AKNAD1: variants seen among roughly 807,000 people sequenced by gnomAD.
AKNAD1 encodes the protein protein AKNAD1.
AKNAD1 carries 67 observed loss-of-function variants against 90.8 expected under a neutral mutation model. The observed-to-expected ratio is 0.74, with a 90% confidence interval of 0.61 to 0.90. AKNAD1 has a LOEUF of 0.90. Among genes scored for constraint, AKNAD1 ranks in the 40% least tolerant of loss-of-function variants. The pLI is 0.00. For missense variants in AKNAD1, 957 were observed against 975.4 expected (o/e 0.98, Z 0.25); for synonymous variants, 327 against 341.4 (o/e 0.96, Z 0.46).
chr1:108,827,219 G>A lies in AKNAD1; in HGVS notation c.1922C>T (p.Ser641Leu). 1 of 1,610,834 alleles carries A rather than the reference G, an allele frequency of 6.2e-7. No individual in the cohort carries two copies. Among genetic ancestry groups the A allele is most frequent in the Non-Finnish European group, 8.5e-7 (1 of 1,178,644 alleles). The part of the protein sequence containing the change: ...SIVLHEKAPH[S>L]DSTPNSDTGH... ...CATCAACTTACTGGGAGTTGAATCTGAGTGTGGTGCCTTTTCATGAAGGAC... is the reference window on the plus strand; with the variant it reads ...CATCAACTTACTGGGAGTTGAATCTAAGTGTGGTGCCTTTTCATGAAGGAC... Residue 641 changes from serine (S) to leucine (L), a missense_variant, in exon 11 of 16, where the codon TCA (serine) becomes TTA (leucine). Physicochemically the swap from Ser to Leu is moderately radical, Grantham distance 145. Transcript: ENST00000370001.
intron 1 of AKNAD1, among the ~76,000 whole-genome samples, chr1:108,853,780 C>T (rs1467380458): frequency 1.3e-5 from 2 of 151,840 alleles, no homozygotes; most frequent in African/African-American, 4.8e-5. Flanking sequence ...ACTAAAAATA[C>T]AAAAAGTTAG....
chr1:108,837,771 C>A, intron 6 of AKNAD1, 65 bp from the exon 7 acceptor site: 1 of 1,530,466 alleles, frequency 6.5e-7, no homozygotes, highest in Non-Finnish European at 9.0e-7. Flanking sequence ...TTAATAATGA[C>A]AGTTCTTGAA....
chr1:108,817,970 C>A (rs1313369794), intron 14 of AKNAD1, among the ~76,000 whole-genome samples: 1 of 152,202 alleles, frequency 6.6e-6, no homozygotes, highest in African/African-American at 2.4e-5. Context: ...AACAGGCTCC[C>A]CTTGCCTGCT....
In AKNAD1 at chr1:108,823,362, G is replaced by A. The variant is rs75963324; in HGVS notation, c.2167+8C>T. 5 of 1,591,490 alleles carry A rather than the reference G, an allele frequency of 3.1e-6. No homozygotes were observed. In the East Asian group the frequency reaches 8.9e-5, roughly 28 times the overall value. On this transcript the variant is annotated splice_region_variant and intron_variant, in intron 13 of 15. Transcript: ENST00000370001. ...ATATGGATGGGGTCATGCAGGAGATGTACTTACAGGGTGAAGAGTTTTTAC... is the reference window on the plus strand; with the variant it reads ...ATATGGATGGGGTCATGCAGGAGATATACTTACAGGGTGAAGAGTTTTTAC...
At chr1:108,840,284 T>C (rs1283123107) in intron 6 of AKNAD1, among the ~76,000 whole-genome samples, 1 of 152,148 alleles carries the variant, frequency 6.6e-6, no homozygotes, top group Non-Finnish European at 1.5e-5. Context: ...ACAAGTTAAA[T>C]ATACAATATG....
chr1:108,831,870 C>T (rs1338169519), intron 9 of AKNAD1, among the ~76,000 whole-genome samples: 1 of 152,108 alleles, frequency 6.6e-6, no homozygotes, highest in East Asian at 1.9e-4. Context: ...ATGATTCGCC[C>T]ACCTCGGCCT....
chr1:108,843,328 CA>C, intron 5 of AKNAD1, 61 bp from the exon 6 acceptor site: 1 of 1,588,340 alleles, frequency 6.3e-7, no homozygotes, highest in Non-Finnish European at 8.6e-7. Flanking sequence ...ATTGTTTTCC[CA>C]AAAACACAAA....
intron 11 of AKNAD1, among the ~76,000 whole-genome samples, chr1:108,825,234 G>T (rs1056600691): frequency 1.3e-5 from 2 of 151,648 alleles, no homozygotes; most frequent in African/African-American, 4.8e-5. Flanking sequence ...CCCAGCTAAA[G>T]TGCTCCCAAA....
chr1:108,850,584 G>A (rs1466260835), intron 2 of AKNAD1, among the ~76,000 whole-genome samples: 1 of 152,106 alleles, frequency 6.6e-6, no homozygotes, highest in African/African-American at 2.4e-5. Flanking sequence ...AACTCCCCAG[G>A]CATTCAGTTG....
intron 13 of AKNAD1, among the ~76,000 whole-genome samples, chr1:108,822,387 C>T (rs999371338): frequency 3.9e-5 from 6 of 152,106 alleles, no homozygotes; most frequent in African/African-American, 1.4e-4. Context: ...CCATTGCAGC[C>T]CTCGTTCGTA....
chr1:108,819,919 C>CAAA (rs71591113), intron 14 of AKNAD1, among the ~76,000 whole-genome samples: 1,715 of 128,940 alleles, frequency 0.013, 33 homozygotes, highest in East Asian at 0.052. Flanking sequence ...GAATTAACAG[C>CAAA]AAAAAAAAAA....
At chr1:108,842,994 A>T in intron 6 of AKNAD1, 140 bp downstream of exon 6, 2 of 1,081,504 alleles carry the variant, frequency 1.8e-6, no homozygotes, top group Non-Finnish European at 2.7e-6. Flanking sequence ...ATTAGGTGAC[A>T]CTTTGTTCAT....
At chr1:108,831,695 G>A (rs1375270543) in intron 9 of AKNAD1, among the ~76,000 whole-genome samples, 3 of 135,302 alleles carry the variant, frequency 2.2e-5, no homozygotes, top group Non-Finnish European at 4.8e-5. Context: ...CCAGGCTGGA[G>A]TGCAGTGGCC....
At chr1:108,829,781 C>G (rs576476951) in intron 10 of AKNAD1, among the ~76,000 whole-genome samples, 2 of 152,330 alleles carry the variant, frequency 1.3e-5, no homozygotes, top group African/African-American at 4.8e-5. Context: ...TTGCTAAACA[C>G]CTGCTGCCTC....
chr1:108,841,268 ACCATGG>A (rs764900489), intron 6 of AKNAD1, among the ~76,000 whole-genome samples: 14 of 152,240 alleles, frequency 9.2e-5, no homozygotes, highest in Non-Finnish European at 1.3e-4. Context: ...GGGTTCAAGG[ACCATGG>A]CTAGAGAGGT....
At chr1:108,830,501 T>C in intron 10 of AKNAD1, 58 bp downstream of exon 10, 2 of 1,534,526 alleles carry the variant, frequency 1.3e-6, no homozygotes, top group African/African-American at 1.4e-5. Flanking sequence ...TCACTGGAGT[T>C]ACTATGCCAG....
intron 5 of AKNAD1, among the ~76,000 whole-genome samples, chr1:108,845,646 C>A (rs895218465): frequency 6.6e-6 from 1 of 152,224 alleles, no homozygotes; most frequent in South Asian, 2.1e-4. Flanking sequence ...AGAACCCTGA[C>A]TGACACTGTA....
chr1:108,853,217 C>T (rs1188107490), intron 1 of AKNAD1, among the ~76,000 whole-genome samples: 3 of 150,406 alleles, frequency 2.0e-5, no homozygotes, highest in African/African-American at 7.4e-5. Context: ...CTGCAAGCTC[C>T]ACCTCCCAGG....
At chr1:108,837,909 G>A (rs1019651753) in intron 6 of AKNAD1, among the ~76,000 whole-genome samples, 7 of 152,106 alleles carry the variant, frequency 4.6e-5, no homozygotes, top group South Asian at 4.1e-4. Flanking sequence ...CATTAGCTGC[G>A]TATCCTTGTA....
Sources: allele counts gnomAD v4.1 joint callset (sites outside exome capture counted in the v4.1 genomes callset), GRCh38; gene constraint gnomAD v4.1.1; transcripts MANE v1.5; gene names NCBI Gene and HGNC (gene_info 2026-07-23, HGNC 2026-07-21).